PPHLN1: variants seen among roughly 807,000 people sequenced by gnomAD.
PPHLN1 encodes periphilin 1, also known as periphilin-1.
A neutral mutation model predicts 51.3 loss-of-function variants in PPHLN1; 29 were observed. That is an observed-to-expected ratio of 0.57 (90% confidence interval 0.42 to 0.77). The LOEUF (loss-of-function observed/expected upper bound fraction) is 0.77. Ranked by LOEUF, PPHLN1 falls within the 30% of genes least tolerant of loss-of-function variation. PPHLN1 has a pLI of 0.00. For synonymous variants in PPHLN1, 147 were observed against 147.8 expected, an observed-to-expected ratio of 0.99 and a Z score of 0.04; for missense variants, 436 against 438.4, an observed-to-expected ratio of 0.99 and a Z score of 0.05.
chr12:42,374,857 T>TTC lies in PPHLN1; in HGVS notation c.300-6_300-5insTC, dbSNP rs397969190. On this transcript the variant is annotated splice_polypyrimidine_tract_variant and splice_region_variant and intron_variant, in intron 4 of 9. Coordinates refer to ENST00000358314, the MANE Select transcript of PPHLN1 (RefSeq NM_201439.2). ...AACTTATTTTATGTTTTTTTTTTTT[T>TTC]CAAAGGGACATGAGAGATGGCTTTA... The TTC allele has an allele frequency of 1.5e-5, 23 of 1,578,096 alleles. No homozygotes were observed. The highest frequency in any genetic ancestry group is 2.0e-5 in the Admixed American group (1 of 51,254).
chr12:42,375,685 T>C (rs1292635863), intron 5 of PPHLN1, among the ~76,000 whole-genome samples: 1 of 152,086 alleles, frequency 6.6e-6, no homozygotes. Flanking sequence ...TTATTTTTAT[T>C]TTATTTTATT....
intron 9 of PPHLN1, among the ~76,000 whole-genome samples, chr12:42,435,140 T>C (rs796873700): frequency 4.6e-5 from 7 of 152,250 alleles, no homozygotes; most frequent in African/African-American, 1.7e-4. Flanking sequence ...ACTAATAAGC[T>C]GAAAGGGATA....
chr12:42,394,966 A>G (rs2078066876), intron 8 of PPHLN1, among the ~76,000 whole-genome samples: 1 of 152,068 alleles, frequency 6.6e-6, no homozygotes, highest in Admixed American at 6.5e-5. Flanking sequence ...CTTCATCTCC[A>G]ATTAACAAGG....
At chr12:42,375,203 C>A (rs776217389) in intron 5 of PPHLN1, 129 bp downstream of exon 5, 1 of 703,758 alleles carries the variant, frequency 1.4e-6, no homozygotes. Flanking sequence ...TTCAAACTTA[C>A]AGAAAAGATG....
chr12:42,386,043 G>A (rs1241815971), intron 6 of PPHLN1, among the ~76,000 whole-genome samples: 1 of 152,226 alleles, frequency 6.6e-6, no homozygotes, highest in Non-Finnish European at 1.5e-5. Flanking sequence ...AAAGCCTCTT[G>A]TAGTACCACA....
chr12:42,330,678 A>C (rs111980116), intron 1 of PPHLN1, among the ~76,000 whole-genome samples: 2 of 152,296 alleles, frequency 1.3e-5, no homozygotes, highest in African/African-American at 4.8e-5. Flanking sequence ...CTCAAGGCAA[A>C]ACAATTGTTC....
chr12:42,435,838 C>T (rs538855247), intron 9 of PPHLN1, among the ~76,000 whole-genome samples: 75 of 152,078 alleles, frequency 4.9e-4, no homozygotes, highest in African/African-American at 1.7e-3. Flanking sequence ...ACAACTTTCC[C>T]TTCTTTTTAC....
downstream of PPHLN1, chr12:42,442,704 G>T: frequency 6.2e-7 from 1 of 1,614,080 alleles, no homozygotes; most frequent in Non-Finnish European, 8.5e-7. Flanking sequence ...GATCACGACG[G>T]AACCCCCGAA....
chr12:42,335,123 T>C (rs1423672498), intron 1 of PPHLN1, among the ~76,000 whole-genome samples: 1 of 152,170 alleles, frequency 6.6e-6, no homozygotes, highest in East Asian at 1.9e-4. Flanking sequence ...TCTATTTTCA[T>C]CTCTTCTTGT....
At chr12:42,397,744 G>C (rs1478758406) in intron 8 of PPHLN1, among the ~76,000 whole-genome samples, 1 of 152,030 alleles carries the variant, frequency 6.6e-6, no homozygotes, top group Non-Finnish European at 1.5e-5. Context: ...AACTAGGTTT[G>C]TTTGTTTTTT....
intron 9 of PPHLN1, among the ~76,000 whole-genome samples, chr12:42,412,582 C>T (rs1397704271): frequency 6.6e-6 from 1 of 151,968 alleles, no homozygotes; most frequent in Non-Finnish European, 1.5e-5. Context: ...TTTTTTCCTT[C>T]CGTATTGTAT....
At position 42,441,643 on chromosome 12, in the gene PPHLN1, T is replaced by C; in HGVS notation, c.*134T>C. ...TATGATAGTTGACAACATTTCAGTA[T>C]TAAATAAACATCTAAAATAGTCTGT... On this transcript the variant is annotated 3_prime_UTR_variant, in exon 10 of 10. Transcript: ENST00000358314. 2 of 1,315,288 alleles carry C rather than the reference T, an allele frequency of 1.5e-6. No homozygotes were observed. The highest frequency in any genetic ancestry group is 2.0e-6 in the Non-Finnish European group (2 of 1,019,264). 81.5% of individuals were successfully genotyped at this position (1,315,288 alleles called of 1,614,324 possible). A position where few individuals can be genotyped will look rare whatever the true frequency, so the allele number is the denominator to read the frequency against.
At chr12:42,387,301 T>C in intron 6 of PPHLN1, 155 bp from the exon 7 acceptor site, 2 of 720,620 alleles carry the variant, frequency 2.8e-6, no homozygotes, top group Non-Finnish European at 4.2e-6. Flanking sequence ...CTCTGAGAGG[T>C]AGTTTTAGAT....
intron 2 of PPHLN1, among the ~76,000 whole-genome samples, chr12:42,337,328 G>A (rs2070815110): frequency 6.7e-6 from 1 of 150,210 alleles, no homozygotes; most frequent in South Asian, 2.1e-4. Flanking sequence ...CAATGGCGCA[G>A]TCTTGGCTCA....
chr12:42,369,022 A>T (rs1050049259), intron 4 of PPHLN1, among the ~76,000 whole-genome samples: 1 of 152,212 alleles, frequency 6.6e-6, no homozygotes, highest in African/African-American at 2.4e-5. Context: ...AAATCTGGTC[A>T]GCTGTCTGTT....
chr12:42,442,718 G>A (rs138204071), downstream of PPHLN1: 64 of 1,613,888 alleles, frequency 4.0e-5, no homozygotes, highest in East Asian at 3.6e-4. Context: ...CCCCGAAAAC[G>A]AAGGCGAAGA....
chr12:42,339,060 A>G (rs1322737638), intron 2 of PPHLN1, among the ~76,000 whole-genome samples: 1 of 152,236 alleles, frequency 6.6e-6, no homozygotes, highest in Non-Finnish European at 1.5e-5. Context: ...AAATAATTTT[A>G]TCAGAAGCAA....
At chr12:42,327,937 C>CT (rs1473142709) in intron 1 of PPHLN1, among the ~76,000 whole-genome samples, 1 of 151,874 alleles carries the variant, frequency 6.6e-6, no homozygotes, top group East Asian at 1.9e-4. Context: ...GCCAGAACAT[C>CT]TAATTTTTTC....
chr12:42,367,102 C>G (rs1289908938), intron 4 of PPHLN1, among the ~76,000 whole-genome samples: 1 of 152,100 alleles, frequency 6.6e-6, no homozygotes, highest in Non-Finnish European at 1.5e-5. Flanking sequence ...ATAGTTTGCA[C>G]TAGTTTTCAA....
Sources: allele counts gnomAD v4.1 joint callset (sites outside exome capture counted in the v4.1 genomes callset), GRCh38; gene constraint gnomAD v4.1.1; transcripts MANE v1.5; gene names NCBI Gene and HGNC (gene_info 2026-07-23, HGNC 2026-07-21).